Variants in TAF3 observed in about 807,000 individuals in gnomAD.
The protein encoded by TAF3 is TATA-box binding protein associated factor 3.
A neutral mutation model predicts 80.6 loss-of-function variants in TAF3; 7 were observed. The ratio of observed to expected loss-of-function variants is 0.09; its 90% CI spans 0.05 to 0.16. The LOEUF (loss-of-function observed/expected upper bound fraction) is 0.16. TAF3 is among the 10% of genes least tolerant of loss of function. TAF3 has a pLI of 1.00. For synonymous variants in TAF3, 444 were observed against 446.1 expected (o/e 1.00, Z 0.06); for missense variants, 921 against 1,140.2 (o/e 0.81, Z 2.77).
intron 2 of TAF3, among the ~76,000 whole-genome samples, chr10:7,945,951 G>A (rs1390800562): frequency 1.3e-5 from 2 of 152,096 alleles, no homozygotes; most frequent in Non-Finnish European, 2.9e-5. Flanking sequence ...ATTGCCAGGC[G>A]GACACAGATC....
chr10:7,818,909 C>T (rs1322372406), intron 1 of TAF3, 34 bp downstream of exon 1: 7 of 1,365,500 alleles, frequency 5.1e-6, no homozygotes, highest in African/African-American at 4.6e-5. Flanking sequence ...AGGGCTGCCC[C>T]GGCAAGTCAA....
intron 5 of TAF3, among the ~76,000 whole-genome samples, chr10:8,012,203 A>T (rs1832062569): frequency 6.6e-6 from 1 of 152,172 alleles, no homozygotes; most frequent in East Asian, 1.9e-4. Flanking sequence ...AATTTAAAAA[A>T]AGCTTTCTAC....
At position 7,964,705 on chromosome 10, in the gene TAF3, T is replaced by C; in HGVS notation, c.1195T>C (p.Cys399Arg). 1.9e-6 allele frequency: 3 copies of C among 1,614,220 alleles called. No homozygotes were observed. The highest frequency in any genetic ancestry group is 2.5e-6 in the Non-Finnish European group (3 of 1,180,036). Residue 399 changes from cysteine to arginine, a missense_variant, in exon 3 of 7, where the codon TGT (cysteine) becomes CGT (arginine). Cys to Arg is a radical substitution (Grantham distance 180). This residue lies in a region of TAF3 where 743 missense variants were observed against 821.0 expected (regional missense o/e 0.90). Coordinates refer to ENST00000344293, the MANE Select transcript of TAF3 (RefSeq NM_031923.4). This position sits in a 1 kb window ranked among gnomAD's most constrained non-coding sequence, Gnocchi z 4.1. Reference sequence around the variant, plus strand: ...TATCGATGCTGTGATTGCACGAGCCTGTGCTGAGCGAGAGCCAGATCCTTT... The same window carrying C: ...TATCGATGCTGTGATTGCACGAGCCCGTGCTGAGCGAGAGCCAGATCCTTT... ...ASIDAVIARA[C>R]AEREPDPFEF... is the part of the protein sequence containing the mutation.
chr10:7,892,541 A>G (rs1422634607), intron 2 of TAF3, among the ~76,000 whole-genome samples: 1 of 152,234 alleles, frequency 6.6e-6, no homozygotes, highest in Non-Finnish European at 1.5e-5. Context: ...AGCATTTTAT[A>G]TCTTTCAATA....
At chr10:7,864,697 T>C (rs1837192248) in intron 2 of TAF3, among the ~76,000 whole-genome samples, 1 of 152,202 alleles carries the variant, frequency 6.6e-6, no homozygotes, top group Non-Finnish European at 1.5e-5. Flanking sequence ...CCTATCCTGG[T>C]CATCAGTTTT....
chr10:7,867,905 A>G (rs995457457), intron 2 of TAF3, among the ~76,000 whole-genome samples: 2 of 152,222 alleles, frequency 1.3e-5, no homozygotes, highest in Non-Finnish European at 2.9e-5. Flanking sequence ...CGTATTTCGT[A>G]TATTATATGT....
At chr10:7,832,871 G>T (rs934292426) in intron 2 of TAF3, among the ~76,000 whole-genome samples, 4 of 152,114 alleles carry the variant, frequency 2.6e-5, no homozygotes, top group Admixed American at 2.6e-4. Context: ...ATTTCTTTGT[G>T]CTACAGATAT....
chr10:7,854,792 C>G (rs1042874725), intron 2 of TAF3, among the ~76,000 whole-genome samples: 61 of 152,096 alleles, frequency 4.0e-4, no homozygotes, highest in African/African-American at 1.4e-3. Flanking sequence ...ATACGTAGAT[C>G]AGTAGTATGT....
At chr10:7,853,654 C>A (rs1837050671) in intron 2 of TAF3, among the ~76,000 whole-genome samples, 1 of 152,232 alleles carries the variant, frequency 6.6e-6, no homozygotes, top group Non-Finnish European at 1.5e-5. Flanking sequence ...GGTCAGCAAA[C>A]TGCCTGGCCT....
At chr10:7,844,463 G>A (rs1344387979) in intron 2 of TAF3, among the ~76,000 whole-genome samples, 3 of 146,434 alleles carry the variant, frequency 2.0e-5, no homozygotes, top group South Asian at 2.2e-4. Context: ...TGCAACCTCC[G>A]CCTCCTGGGT....
intron 2 of TAF3, among the ~76,000 whole-genome samples, chr10:7,924,210 A>G (rs753106113): frequency 4.6e-5 from 7 of 152,202 alleles, no homozygotes; most frequent in Non-Finnish European, 1.0e-4. Flanking sequence ...TGAGGGAGAA[A>G]TGGAAAGCCA....
intron 2 of TAF3, among the ~76,000 whole-genome samples, chr10:7,877,491 TC>T (rs1031420247): frequency 1.1e-4 from 17 of 152,216 alleles, no homozygotes; most frequent in Non-Finnish European, 1.9e-4. Flanking sequence ...GAAAAAATTG[TC>T]ATAGAAAGCA....
chr10:7,906,905 C>A (rs1207759932), intron 2 of TAF3, among the ~76,000 whole-genome samples: 1 of 151,578 alleles, frequency 6.6e-6, no homozygotes, highest in Non-Finnish European at 1.5e-5. Flanking sequence ...TTCTGTTGGT[C>A]TCTTTTTGCC....
At chr10:7,951,769 C>G (rs1435766766) in intron 2 of TAF3, among the ~76,000 whole-genome samples, 1 of 152,156 alleles carries the variant, frequency 6.6e-6, no homozygotes, top group Non-Finnish European at 1.5e-5. Context: ...ACTCAAAAGC[C>G]AAAGAGGTAG....
intron 3 of TAF3, among the ~76,000 whole-genome samples, chr10:7,973,128 C>T (rs939288121): frequency 2.0e-5 from 3 of 152,168 alleles, no homozygotes; most frequent in Admixed American, 2.0e-4. Flanking sequence ...ACACCATCCA[C>T]ACCTACCCTA....
intron 2 of TAF3, among the ~76,000 whole-genome samples, chr10:7,837,573 G>A (rs1413740385): frequency 2.6e-5 from 4 of 152,210 alleles, no homozygotes; most frequent in Admixed American, 2.0e-4. Flanking sequence ...AACCTGGGAG[G>A]CAGAGGTTGC....
intron 2 of TAF3, among the ~76,000 whole-genome samples, chr10:7,959,159 C>A (rs1211429236): frequency 4.7e-4 from 65 of 137,080 alleles, no homozygotes; most frequent in African/African-American, 1.6e-3. Context: ...CACACACACA[C>A]ACACAAAAAA....
At chr10:7,971,503 T>A (rs1831623132) in intron 3 of TAF3, among the ~76,000 whole-genome samples, 1 of 150,126 alleles carries the variant, frequency 6.7e-6, no homozygotes, top group African/African-American at 2.5e-5. Flanking sequence ...AATAAAAAAA[T>A]AAAAAACCTT....
intron 5 of TAF3, among the ~76,000 whole-genome samples, 195 bp from the exon 6 acceptor site, chr10:8,013,536 C>T (rs1326991470): frequency 1.3e-5 from 2 of 152,124 alleles, no homozygotes; most frequent in Admixed American, 6.6e-5. Context: ...GAACACTTAG[C>T]GTTTTTCTGT....
Sources: gnomAD v4.1 joint callset for allele counts (sites outside exome capture counted in the v4.1 genomes callset) on GRCh38, gnomAD v4.1.1 for gene constraint, gnomAD v4.1.1 regional missense constraint, Gnocchi (gnomAD v3.1) non-coding constraint, MANE v1.5 for transcripts, NCBI Gene and HGNC (gene_info 2026-07-23, HGNC 2026-07-21) for gene names.